Variants in DSG4 observed in about 807,000 individuals in gnomAD.
The protein encoded by DSG4 is desmoglein 4, also known as desmoglein-4.
In DSG4, 87 loss-of-function variants were observed where a neutral mutation model predicts 93.1. The ratio of observed to expected loss-of-function variants is 0.93; its 90% CI spans 0.79 to 1.12. The LOEUF is 1.12. DSG4 is among the 50% of genes most tolerant of loss of function. The pLI, the probability that DSG4 is intolerant of heterozygous loss-of-function variation, is 0.00. For synonymous variants in DSG4, 432 were observed against 452.9 expected, an observed-to-expected ratio of 0.95 and a Z score of 0.59; for missense variants, 1,373 against 1,285.7, an observed-to-expected ratio of 1.07 and a Z score of -1.04.
chr18:31,403,369 C>A (rs373934936), intron 10 of DSG4, 47 bp from the exon 11 acceptor site: 24 of 1,484,128 alleles, frequency 1.6e-5, no homozygotes, highest in Non-Finnish European at 2.2e-5. Flanking sequence ...AAAGAGTTTT[C>A]TCCCTAACAC....
chr18:31,396,967 A>G (rs2072312559), intron 8 of DSG4, among the ~76,000 whole-genome samples: 2 of 152,168 alleles, frequency 1.3e-5, no homozygotes, highest in Admixed American at 6.5e-5. Flanking sequence ...TGGAAACAGA[A>G]CATACACACT....
chr18:31,390,615 T>G (rs1288934959), intron 5 of DSG4, 41 bp from the exon 6 acceptor site: 1 of 1,611,152 alleles, frequency 6.2e-7, no homozygotes, highest in South Asian at 1.1e-5. Context: ...GAATTTATTC[T>G]AAGAGTCCCA....
chr18:31,384,302 T>C (rs2072164821), intron 1 of DSG4, among the ~76,000 whole-genome samples: 1 of 139,060 alleles, frequency 7.2e-6, no homozygotes. Flanking sequence ...ATGCTAAGTA[T>C]AATTGTAAAA....
At chr18:31,408,108 A>G (rs1398372113) in intron 12 of DSG4, among the ~76,000 whole-genome samples, 5 of 152,224 alleles carry the variant, frequency 3.3e-5, no homozygotes, top group African/African-American at 1.2e-4. Flanking sequence ...TTTTCAATGG[A>G]GAAGCCCATG....
rs1250157866 is a variant in DSG4, at chr18:31,409,764, C to T, written c.2093C>T (p.Ala698Val). The T allele has an allele frequency of 6.8e-6, 11 of 1,614,052 alleles. No individual in the cohort carries two copies. Among genetic ancestry groups the T allele is most frequent in the African/African-American group, 1.3e-5 (1 of 74,938 alleles). Residue 698 changes from alanine (A) to valine (V), a missense_variant, in exon 14 of 16, where the codon GCA (alanine) becomes GTA (valine). Transcript: ENST00000308128. ...TTTCAGGATGTGTCAAATATATGTGCACCCATGACAGCCTCAAATACCCAG... is the reference window on the plus strand; with the variant it reads ...TTTCAGGATGTGTCAAATATATGTGTACCCATGACAGCCTCAAATACCCAG... ...PEDRDVSNIC[A>V]PMTASNTQDR...
chr18:31,388,536 A>T lies in DSG4; in HGVS notation c.372+14A>T. 1 of 1,612,986 alleles carries T rather than the reference A, an allele frequency of 6.2e-7. No homozygotes were observed. Among genetic ancestry groups the T allele is most frequent in the Middle Eastern group, 1.7e-4 (1 of 6,056 alleles). On this transcript the variant is annotated intron_variant, in intron 4 of 15. Coordinates refer to ENST00000308128, the MANE Select transcript of DSG4 (RefSeq NM_177986.5). Reference sequence around the variant, plus strand: ...CCACTTTTCTTGGTAAGTCATAGCCATATGTTTTGATTTGTTCATATTAGT... The same window carrying T: ...CCACTTTTCTTGGTAAGTCATAGCCTTATGTTTTGATTTGTTCATATTAGT...
intron 1 of DSG4, among the ~76,000 whole-genome samples, chr18:31,381,747 C>T (rs2072137118): frequency 6.6e-6 from 1 of 152,090 alleles, no homozygotes; most frequent in Non-Finnish European, 1.5e-5. Context: ...GCAACGTCCC[C>T]CTCCCAGGTT....
intron 8 of DSG4, among the ~76,000 whole-genome samples, chr18:31,395,138 C>T (rs2144187086): frequency 6.6e-6 from 1 of 152,098 alleles, no homozygotes; most frequent in East Asian, 1.9e-4. Context: ...AGTCACTGGA[C>T]TTGATTGCAT....
intron 15 of DSG4, among the ~76,000 whole-genome samples, chr18:31,411,903 A>G (rs970796398): frequency 6.6e-6 from 1 of 152,212 alleles, no homozygotes; most frequent in African/African-American, 2.4e-5. Context: ...TCAGGAACGC[A>G]GCATCACCAC....
chr18:31,413,001 T>G lies in DSG4; in HGVS notation c.2529T>G (p.Leu843=). The change falls in exon 16 of 16, where the codon CTT becomes CTG. Residue 843 remains leucine, a synonymous_variant. Transcript: ENST00000308128. ...METLDPKFRT[L]AEICLNTEIE... ...CTTTAGATCCAAAATTTAGGACTCT[T>G]GCTGAGATCTGCTTAAACACAGAAA... is the stretch of plus-strand genomic sequence containing the variant. The G allele has an allele frequency of 6.2e-7, 1 of 1,614,180 alleles. No homozygotes were observed. Among genetic ancestry groups the G allele is most frequent in the South Asian group, 1.1e-5 (1 of 91,082 alleles).
Position 31,411,316 on chromosome 18 carries a change from C to A in DSG4, c.2223C>A (p.Ala741=), listed in dbSNP as rs770441179. Residue 741 remains alanine, a synonymous_variant, in exon 15 of 16, where the codon GCC becomes GCA. Coordinates refer to ENST00000308128, the MANE Select transcript of DSG4 (RefSeq NM_177986.5). ...GVELNTGMGT[A]VGLMAAGAAG... The stretch of plus-strand genomic sequence containing the variant: ...AGCTCAACACAGGTATGGGGACAGC[C>A]GTTGGCCTCATGGCCGCAGGGGCCG... 1 of 1,612,116 alleles carries A rather than the reference C, an allele frequency of 6.2e-7. No homozygotes were observed. The highest frequency in any genetic ancestry group is 1.1e-5 in the South Asian group (1 of 91,078).
rs138897611 is a variant in DSG4, at chr18:31,402,671, C to T, written c.1418-745C>T. Among the ~76,000 whole-genome samples the T allele has an allele frequency of 2.8e-3, 417 of 149,380 alleles. 2 individuals are homozygous for T. Among genetic ancestry groups the T allele is most frequent in the African/African-American group, 9.7e-3 (396 of 40,938 alleles). On this transcript the variant is annotated intron_variant, in intron 10 of 15. Coordinates refer to ENST00000308128, the MANE Select transcript of DSG4 (RefSeq NM_177986.5). ...AGACGACAACGTTCTAGTTTAAAAG[C>T]GAGAAAGCTAAGATTCTTTTCAAGT...
rs149672864 is a variant in DSG4, at chr18:31,386,775, T to A, written c.172T>A (p.Cys58Ser). ...KREWIKFAAA[C>S]REGEDNSKRN... ...GGAGTGGATCAAGTTTGCCGCAGCC[T>A]GTCGAGAAGGAGAGGACAACTCGAA... Residue 58 changes from cysteine (C) to serine (S), a missense_variant, in exon 3 of 16, where the codon TGT becomes AGT. Transcript: ENST00000308128. 1.4e-5 allele frequency: 23 copies of A among 1,613,450 alleles called. No homozygotes were observed. Among genetic ancestry groups the A allele is most frequent in the Non-Finnish European group, 1.9e-5 (23 of 1,179,506 alleles).
rs761846977 is a variant in DSG4 at position 31,405,603 on chromosome 18, G to C, written c.1637-474G>C. On this transcript the variant is annotated intron_variant, in intron 11 of 15. Coordinates refer to ENST00000308128, the MANE Select transcript of DSG4 (RefSeq NM_177986.5). ...AAAGAAAGAAAGAAAAGTAAAAAAG[G>C]CCAGGCAGAATGGCTCATGCTTGTA... 5.9e-5 allele frequency among the ~76,000 whole-genome samples: 9 copies of C among 151,934 alleles called. No homozygotes were observed. In the South Asian group the frequency reaches 1.5e-3, roughly 25 times the overall value.
intron 1 of DSG4, among the ~76,000 whole-genome samples, chr18:31,381,125 G>A (rs2072129471): frequency 6.6e-6 from 1 of 152,146 alleles, no homozygotes; most frequent in South Asian, 2.1e-4. Context: ...ATGAATGAAT[G>A]GATTTAGTTT....
rs190702463 is a variant in DSG4, at chr18:31,381,461, C to T, written c.49-3675C>T. ...GTCAGGATGTGAACCTAAAACTCTT[C>T]AACTCTGCCAGCATTGACTCCCTTC... is the stretch of plus-strand genomic sequence containing the variant. On this transcript the variant is annotated intron_variant, in intron 1 of 15. Coordinates refer to ENST00000308128, the MANE Select transcript of DSG4 (RefSeq NM_177986.5). Among the ~76,000 whole-genome samples, 16 of 152,254 alleles carry T rather than the reference C, an allele frequency of 1.1e-4. No homozygotes were observed. The East Asian group carries it at 3.1e-3, about 29-fold the overall frequency.
rs2072257688 is a variant in DSG4, at chr18:31,392,214, T to C, written c.879T>C (p.Ile293=). The part of the protein sequence containing the change: ...LSSELIRLQA[I]DLDEEGTDNW... ...CGGAACTGATACGATTACAAGCAAT[T>C]GATCTTGATGAAGAAGGCACTGATA... The change falls in exon 8 of 16, where the codon ATT becomes ATC. Residue 293 remains isoleucine, a synonymous_variant. Coordinates refer to ENST00000308128, the MANE Select transcript of DSG4 (RefSeq NM_177986.5). 1 of 1,613,828 alleles carries C rather than the reference T, an allele frequency of 6.2e-7. No individual in the cohort carries two copies. Among genetic ancestry groups the C allele is most frequent in the Non-Finnish European group, 8.5e-7 (1 of 1,179,862 alleles).
chr18:31,385,840 T>C (rs2072181254), intron 2 of DSG4, among the ~76,000 whole-genome samples: 1 of 152,160 alleles, frequency 6.6e-6, no homozygotes. Context: ...TCCCCCAAAG[T>C]GGTAATTAAA....
At chr18:31,384,530 GT>G (rs1200257843) in intron 1 of DSG4, among the ~76,000 whole-genome samples, 1 of 152,176 alleles carries the variant, frequency 6.6e-6, no homozygotes, top group East Asian at 1.9e-4. Flanking sequence ...CAATAGAAAT[GT>G]GGTATAAGAG....
Sources: gnomAD v4.1 joint callset for allele counts (sites outside exome capture counted in the v4.1 genomes callset) on GRCh38, gnomAD v4.1.1 for gene constraint, MANE v1.5 for transcripts, NCBI Gene and HGNC (gene_info 2026-07-23, HGNC 2026-07-21) for gene names.